The following MAP1S variants were observed in gnomAD, a reference collection of about 807,000 sequenced individuals.
MAP1S encodes microtubule-associated protein 1S.
Under a neutral mutation model 60.9 loss-of-function variants are expected in MAP1S, and 27 were observed. The ratio of observed to expected loss-of-function variants is 0.44; its 90% CI spans 0.33 to 0.61. The LOEUF (loss-of-function observed/expected upper bound fraction) is 0.61. MAP1S is among the 20% of genes least tolerant of loss of function. MAP1S has a pLI of 0.03. For synonymous variants in MAP1S, 826 were observed against 694.2 expected (o/e 1.19, Z -2.98); for missense variants, 1,608 against 1,486.6 (o/e 1.08, Z -1.34).
intron 1 of MAP1S, chr19:17,720,403 A>G (rs1423557456): frequency 3.3e-6 from 5 of 1,535,162 alleles, no homozygotes; most frequent in East Asian, 4.9e-5. Flanking sequence ...GGCCGGGATG[A>G]TAGACAGGTT....
intron 2 of MAP1S, among the ~76,000 whole-genome samples, chr19:17,723,480 G>A (rs1165837168): frequency 3.3e-5 from 5 of 151,836 alleles, no homozygotes; most frequent in Non-Finnish European, 7.4e-5. Flanking sequence ...CCCAGGAGGC[G>A]GAGGTTGCAG....
chr19:17,726,814 G>A lies in MAP1S; in HGVS notation c.1430G>A (p.Gly477Asp). The A allele has an allele frequency of 1.3e-6, 2 of 1,557,174 alleles. No individual in the cohort carries two copies. The highest frequency in any genetic ancestry group is 2.4e-5 in the South Asian group (2 of 84,752). ...CGAGCCGAGAGCAAAGAGAGCGTGG[G>A]CTCCCGGGACAGCTCGAAGAGAGAG... is the stretch of plus-strand genomic sequence containing the variant. ...PGRAESKESVGSRDSSKREGL... is the reference protein window; with the variant it reads ...PGRAESKESVDSRDSSKREGL... Residue 477 changes from glycine (G) to aspartate (D), a missense_variant, in exon 5 of 7, where the codon GGC (glycine) becomes GAC (aspartate). Gly to Asp is a moderately conservative substitution (Grantham distance 94). Coordinates refer to ENST00000324096, the MANE Select transcript of MAP1S (RefSeq NM_018174.6).
Position 17,719,537 on chromosome 19 carries a change from C to G in MAP1S, c.35C>G (p.Ala12Gly). The G allele has an allele frequency of 8.0e-7, 1 of 1,246,144 alleles. No homozygotes were observed. Among genetic ancestry groups the G allele is most frequent in the Non-Finnish European group, 1.0e-6 (1 of 987,636 alleles). The allele number at this position is 1,246,144 out of a possible 1,614,324, so 77.2% of individuals were successfully genotyped here. A position where few individuals can be genotyped will look rare whatever the true frequency, so the allele number is the denominator to read the frequency against. ...AAVAGSGAAA[A>G]PSSLLLVVGS... is the part of the protein sequence containing the mutation. ...GTGGCTGGATCTGGGGCTGCCGCGG[C>G]TCCGAGCTCACTGCTCCTCGTGGTG... Residue 12 changes from alanine (A) to glycine (G), a missense_variant, in exon 1 of 7, where the codon GCT (alanine) becomes GGT (glycine). This residue lies in a region of MAP1S where 45 missense variants were observed against 22.0 expected (regional missense o/e 2.04). Transcript: ENST00000324096.
rs1392046354 is a variant in MAP1S at position 17,728,160 on chromosome 19, C to T, written c.2776C>T (p.Arg926Ter). The T allele has an allele frequency of 6.3e-7, 1 of 1,590,550 alleles. No individual in the cohort carries two copies. The highest frequency in any genetic ancestry group is 8.6e-7 in the Non-Finnish European group (1 of 1,165,210). The change falls in exon 5 of 7, where the codon CGA (arginine) becomes TGA (stop). Residue 926 changes from arginine (R) to a stop codon, truncating the protein, a stop_gained. Coordinates refer to ENST00000324096, the MANE Select transcript of MAP1S (RefSeq NM_018174.6). LOFTEE classifies it high-confidence loss of function. ...RKSSTPKTAT[R>*]GPSGSASSRP... is the part of the protein sequence containing the mutation. ...GTCCTCAACCCCCAAGACTGCCACT[C>T]GAGGCCCGTCGGGTGAGTACTGGAG...
rs760535420 is a variant in MAP1S at position 17,733,188 on chromosome 19, C to T, written c.2789-5C>T. 40 of 1,528,940 alleles carry T rather than the reference C, an allele frequency of 2.6e-5. No homozygotes were observed. In the East Asian group the frequency reaches 2.7e-4, roughly 10 times the overall value. 94.7% of individuals were successfully genotyped at this position (1,528,940 alleles called of 1,614,324 possible). A position where few individuals can be genotyped will look rare whatever the true frequency, so the allele number is the denominator to read the frequency against. On this transcript the variant is annotated splice_polypyrimidine_tract_variant and splice_region_variant and intron_variant, in intron 5 of 6. Coordinates refer to ENST00000324096, the MANE Select transcript of MAP1S (RefSeq NM_018174.6). ...ATCCCTGCCTCCCCATCCCCCCGCCCGCAGGGTCAGCCAGCAGCCGGCCCG... is the reference window on the plus strand; with the variant it reads ...ATCCCTGCCTCCCCATCCCCCCGCCTGCAGGGTCAGCCAGCAGCCGGCCCG...
rs746624358 is a variant in MAP1S at position 17,724,139 on chromosome 19, G to A, written c.234G>A (p.Leu78=). Residue 78 remains leucine, a synonymous_variant, in exon 3 of 7, where the codon CTG becomes CTA. Coordinates refer to ENST00000324096, the MANE Select transcript of MAP1S (RefSeq NM_018174.6). ...ATTCCCCCACAGGCCAGCGGAGCCT[G>A]CACCACCGTGGAGACAACCTGGAGA... ...FSSIVKGQRS[L]HHRGDNLETL... The A allele has an allele frequency of 1.5e-5, 25 of 1,613,718 alleles. No individual in the cohort carries two copies. In the Admixed American group the frequency reaches 3.5e-4, roughly 23 times the overall value.
chr19:17,721,913 C>T (rs1014579348), intron 2 of MAP1S, among the ~76,000 whole-genome samples: 1 of 152,144 alleles, frequency 6.6e-6, no homozygotes, highest in Middle Eastern at 3.2e-3. Context: ...GCAGGCAGGG[C>T]TTGGGTGTTG....
intron 1 of MAP1S, chr19:17,720,646 C>T: frequency 1.2e-6 from 1 of 818,998 alleles, no homozygotes; most frequent in South Asian, 1.8e-5. Flanking sequence ...GTTGCAAGGG[C>T]GGTGAGTGGA....
intron 2 of MAP1S, among the ~76,000 whole-genome samples, chr19:17,721,772 G>C (rs1342820894): frequency 2.6e-5 from 4 of 152,186 alleles, no homozygotes; most frequent in Non-Finnish European, 4.4e-5. Flanking sequence ...GGAAGGGACT[G>C]ATACTGGTTC....
Position 17,725,999 on chromosome 19 carries a change from G to T in MAP1S, c.615G>T (p.Glu205Asp), listed in dbSNP as rs2080414993. The change falls in exon 5 of 7, where the codon GAG becomes GAT. Residue 205 changes from glutamate (E) to aspartate (D), a missense_variant. Coordinates refer to ENST00000324096, the MANE Select transcript of MAP1S (RefSeq NM_018174.6). This position sits in a 1 kb window ranked among gnomAD's most constrained non-coding sequence, Gnocchi z 4.2. Reference sequence around the variant, plus strand: ...CCCCGGCGCAGCTGCCCAACTCTGAGGGCCTGTGCGAATTCCTGGAGTACG... The same window carrying T: ...CCCCGGCGCAGCTGCCCAACTCTGATGGCCTGTGCGAATTCCTGGAGTACG... ...LNPPAQLPNSEGLCEFLEYVA... is the reference protein window; with the variant it reads ...LNPPAQLPNSDGLCEFLEYVA... 6.2e-7 allele frequency: 1 copy of T among 1,612,292 alleles called. No homozygotes were observed. The highest frequency in any genetic ancestry group is 1.7e-5 in the Admixed American group (1 of 59,802).
intron 3 of MAP1S, among the ~76,000 whole-genome samples, 163 bp downstream of exon 3, chr19:17,724,371 C>G (rs1268535139): frequency 6.6e-6 from 1 of 152,126 alleles, no homozygotes; most frequent in Admixed American, 6.6e-5. Context: ...TCAGCCTCCG[C>G]TTCTTCCCTC....
At chr19:17,728,323 C>A in intron 5 of MAP1S, 151 bp downstream of exon 5, 1 of 904,608 alleles carries the variant, frequency 1.1e-6, no homozygotes, top group Non-Finnish European at 1.6e-6. Context: ...GGTCACAGCT[C>A]ATTGCAGCCT....
Position 17,725,996 on chromosome 19 carries a change from T to C in MAP1S, c.612T>C (p.Ser204=). Residue 204 remains serine (S), a synonymous_variant, in exon 5 of 7, where the codon TCT becomes TCC. Transcript: ENST00000324096. This position sits in a 1 kb window ranked among gnomAD's most constrained non-coding sequence, Gnocchi z 4.2. ...RLNPPAQLPN[S]EGLCEFLEYV... ...ACCCCCCGGCGCAGCTGCCCAACTC[T>C]GAGGGCCTGTGCGAATTCCTGGAGT... The C allele has an allele frequency of 6.2e-7, 1 of 1,612,460 alleles. No individual in the cohort carries two copies. The highest frequency in any genetic ancestry group is 8.5e-7 in the Non-Finnish European group (1 of 1,179,394).
Position 17,727,133 on chromosome 19 carries a change from G to T in MAP1S, c.1749G>T (p.Pro583=), listed in dbSNP as rs368260900. ...FPPVANGPRS[P]PSLRCGEASP... ...CGGTGGCAAATGGACCCCGCAGCCCGCCCAGCCTCCGATGTGGAGAAGCCA... is the reference window on the plus strand; with the variant it reads ...CGGTGGCAAATGGACCCCGCAGCCCTCCCAGCCTCCGATGTGGAGAAGCCA... The change falls in exon 5 of 7, where the codon CCG becomes CCT. Residue 583 remains proline, a synonymous_variant. Coordinates refer to ENST00000324096, the MANE Select transcript of MAP1S (RefSeq NM_018174.6). The surrounding 1 kb of genome is among the most constrained non-coding windows in gnomAD (Gnocchi z 4.1). The T allele has an allele frequency of 8.8e-6, 14 of 1,592,724 alleles. No homozygotes were observed. Among genetic ancestry groups the T allele is most frequent in the Non-Finnish European group, 1.1e-5 (13 of 1,172,882 alleles).
chr19:17,730,413 A>G (rs1393779776), intron 5 of MAP1S, among the ~76,000 whole-genome samples: 1 of 152,220 alleles, frequency 6.6e-6, no homozygotes, highest in African/African-American at 2.4e-5. Flanking sequence ...TCCTGGGCTC[A>G]AGTGATCCTC....
rs761891457 is a variant in MAP1S, at chr19:17,726,581, C to T, written c.1197C>T (p.His399=). The change falls in exon 5 of 7, where the codon CAC becomes CAT. Residue 399 remains histidine (H), a synonymous_variant. Coordinates refer to ENST00000324096, the MANE Select transcript of MAP1S (RefSeq NM_018174.6). Reference sequence around the variant, plus strand: ...GCCGGCTGGACATGTATGTGCTGCACCCGCCCTCCGCCGGCGCCGAGCGCA... The same window carrying T: ...GCCGGCTGGACATGTATGTGCTGCATCCGCCCTCCGCCGGCGCCGAGCGCA... ...GVGRLDMYVL[H]PPSAGAERTL... 3.2e-6 allele frequency: 5 copies of T among 1,574,994 alleles called. No homozygotes were observed. The highest frequency in any genetic ancestry group is 1.3e-5 in the African/African-American group (1 of 74,426).
intron 5 of MAP1S, 103 bp from the exon 6 acceptor site, chr19:17,733,090 G>A (rs977795516): frequency 3.3e-5 from 24 of 717,292 alleles, no homozygotes; most frequent in Middle Eastern, 4.0e-4. Flanking sequence ...CAGGCCTCCT[G>A]CTGAGGAGGG....
intron 2 of MAP1S, among the ~76,000 whole-genome samples, chr19:17,722,784 AGG>A (rs2080382714): frequency 1.1e-5 from 1 of 88,598 alleles, no homozygotes; most frequent in Non-Finnish European, 2.3e-5. Context: ...GGAGGGAGGG[AGG>A]GGGAGAGGGA....
rs1006943783 is a variant in MAP1S, at chr19:17,728,058, G to T, written c.2674G>T (p.Gly892Trp). The T allele has an allele frequency of 6.2e-7, 1 of 1,612,450 alleles. No homozygotes were observed. The highest frequency in any genetic ancestry group is 8.5e-7 in the Non-Finnish European group (1 of 1,179,836). Residue 892 changes from glycine (G) to tryptophan (W), a missense_variant, in exon 5 of 7, where the codon GGG becomes TGG. Gly to Trp is a radical substitution (Grantham distance 184, BLOSUM62 -2). Transcript: ENST00000324096. The stretch of plus-strand genomic sequence containing the variant: ...TGCCAAAACCAAGGGGCTTGCTGGT[G>T]GGGACCGTGCCAGCCGACCACTCAG... ...AAAKTKGLAGGDRASRPLSAR... is the reference protein window; with the variant it reads ...AAAKTKGLAGWDRASRPLSAR...
Sources: gnomAD v4.1 joint callset for allele counts (sites outside exome capture counted in the v4.1 genomes callset) on GRCh38, gnomAD v4.1.1 for gene constraint, gnomAD v4.1.1 regional missense constraint, Gnocchi (gnomAD v3.1) non-coding constraint, MANE v1.5 for transcripts, NCBI Gene and HGNC (gene_info 2026-07-23, HGNC 2026-07-21) for gene names.